Variants in SDK1 observed in about 807,000 individuals in gnomAD.
The protein encoded by SDK1 is sidekick cell adhesion molecule 1, also known as protein sidekick-1.
In SDK1, 157 loss-of-function variants were observed where a neutral mutation model predicts 245.5. The observed-to-expected ratio is 0.64, with a 90% CI of 0.56 to 0.73. The LOEUF (loss-of-function observed/expected upper bound fraction) is 0.73. Among genes scored for constraint, SDK1 ranks in the 30% least tolerant of loss-of-function variants. The pLI is 0.00. For missense variants in SDK1, 3,583 were observed against 3,002.3 expected (o/e 1.19, Z -4.52); for synonymous variants, 1,647 against 1,278.5 (o/e 1.29, Z -6.15).
intron 4 of SDK1, among the ~76,000 whole-genome samples, chr7:3,779,364 G>C (rs911307267): frequency 6.6e-6 from 1 of 151,944 alleles, no homozygotes; most frequent in African/African-American, 2.4e-5. Flanking sequence ...GTAGCTACCA[G>C]AATGACAACG....
At chr7:3,473,225 C>A (rs546686622) in intron 1 of SDK1, among the ~76,000 whole-genome samples, 2 of 152,238 alleles carry the variant, frequency 1.3e-5, no homozygotes, top group Non-Finnish European at 2.9e-5. Context: ...ACCTCAAACC[C>A]AAATTTCCTA....
intron 1 of SDK1, among the ~76,000 whole-genome samples, chr7:3,585,258 T>C (rs1780647589): frequency 6.6e-6 from 1 of 152,154 alleles, no homozygotes; most frequent in African/African-American, 2.4e-5. Context: ...AACTCAGACA[T>C]TGAGCTTTAA....
chr7:3,776,016 C>T (rs145572301), intron 4 of SDK1, among the ~76,000 whole-genome samples: 67 of 152,338 alleles, frequency 4.4e-4, no homozygotes, highest in African/African-American at 1.4e-3. Flanking sequence ...TCACGTGTAA[C>T]GTATTTCCCA....
At chr7:4,089,457 C>T (rs1009697393) in intron 22 of SDK1, among the ~76,000 whole-genome samples, 1 of 152,262 alleles carries the variant, frequency 6.6e-6, no homozygotes, top group African/African-American at 2.4e-5. Context: ...TGTGCTCAGG[C>T]AGCCTGTCCC....
intron 1 of SDK1, among the ~76,000 whole-genome samples, chr7:3,617,909 T>A (rs1781819315): frequency 6.6e-6 from 1 of 152,094 alleles, no homozygotes; most frequent in Admixed American, 6.5e-5. Context: ...TGGCTTGGGT[T>A]TAAATGTGCA....
intron 35 of SDK1, among the ~76,000 whole-genome samples, chr7:4,198,732 A>T (rs1381180834): frequency 6.6e-6 from 1 of 152,058 alleles, no homozygotes; most frequent in Non-Finnish European, 1.5e-5. Flanking sequence ...AGGCAGATCC[A>T]AGTTCATATC....
intron 20 of SDK1, among the ~76,000 whole-genome samples, chr7:4,073,869 G>C (rs7806125): frequency 0.4 from 60,584 of 151,802 alleles, 14,351 homozygotes; most frequent in African/African-American, 0.66. Flanking sequence ...GATCGAGTGT[G>C]TGGTGGGCAG....
rs142804722 is a variant in SDK1, at chr7:3,677,206, A to ATG, written c.713+35114_713+35115dup. 2.4e-4 allele frequency among the ~76,000 whole-genome samples: 37 copies of ATG among 151,568 alleles called. 1 individual carries two copies. The highest frequency in any genetic ancestry group is 8.0e-4 in the African/African-American group (33 of 41,366). Reference sequence around the variant, plus strand: ...TCTGTGTGCGAAGGGGTATGTGTGTATGTGTGTGTGTGTGCATGTAGGTGT... The same window carrying ATG: ...TCTGTGTGCGAAGGGGTATGTGTGTATGTGTGTGTGTGTGTGCATGTAGGTGT... On this transcript the variant is annotated intron_variant, in intron 4 of 44. Transcript: ENST00000404826.
intron 1 of SDK1, among the ~76,000 whole-genome samples, chr7:3,490,453 G>T (rs996868650): frequency 1.3e-5 from 2 of 152,184 alleles, no homozygotes; most frequent in African/African-American, 4.8e-5. Flanking sequence ...TTGAGTGCCT[G>T]TGATATGCCA....
At chr7:3,500,330 T>G (rs1782157273) in intron 1 of SDK1, among the ~76,000 whole-genome samples, 1 of 152,182 alleles carries the variant, frequency 6.6e-6, no homozygotes, top group South Asian at 2.1e-4. Context: ...TCTGGTATCT[T>G]AAAACGTCAT....
intron 1 of SDK1, among the ~76,000 whole-genome samples, chr7:3,510,621 G>A (rs1451365613): frequency 6.6e-6 from 1 of 152,170 alleles, no homozygotes; most frequent in Non-Finnish European, 1.5e-5. Flanking sequence ...ACAGGTTTTA[G>A]TGGCAAGACA....
intron 14 of SDK1, among the ~76,000 whole-genome samples, chr7:4,001,018 C>G (rs1158481262): frequency 1.3e-5 from 2 of 152,180 alleles, no homozygotes; most frequent in African/African-American, 4.8e-5. Flanking sequence ...AGATGGGGGT[C>G]AGAGAGCCCA....
chr7:4,024,040 C>G (rs1177250122), intron 17 of SDK1, among the ~76,000 whole-genome samples: 1 of 152,208 alleles, frequency 6.6e-6, no homozygotes, highest in Non-Finnish European at 1.5e-5. Context: ...TCATTCTGAG[C>G]ACACCAAGAT....
At chr7:3,402,325 T>A (rs1388770122) in intron 1 of SDK1, among the ~76,000 whole-genome samples, 2 of 152,152 alleles carry the variant, frequency 1.3e-5, no homozygotes, top group Non-Finnish European at 2.9e-5. Flanking sequence ...ATGGAGGAGG[T>A]ACTTCAGTAG....
chr7:3,958,060 TAC>T (rs1219229213), intron 7 of SDK1: 2 of 469,404 alleles, frequency 4.3e-6, no homozygotes, highest in Admixed American at 2.4e-5. Context: ...GTTTTAAAGA[TAC>T]AGTCAATATA....
chr7:3,600,767 C>G (rs1335642570), intron 1 of SDK1, among the ~76,000 whole-genome samples: 3 of 151,952 alleles, frequency 2.0e-5, no homozygotes, highest in Non-Finnish European at 4.4e-5. Context: ...CCAGGATGGT[C>G]TCGATCTCCT....
chr7:4,223,082 C>CA (rs79110419), intron 40 of SDK1, among the ~76,000 whole-genome samples: 1,572 of 92,910 alleles, frequency 0.017, 17 homozygotes, highest in African/African-American at 0.042. Context: ...GGCTCCGTCT[C>CA]AAAAAAAAAA....
chr7:3,630,015 A>G (rs987166677), intron 2 of SDK1, among the ~76,000 whole-genome samples: 2 of 152,268 alleles, frequency 1.3e-5, no homozygotes, highest in Non-Finnish European at 2.9e-5. Flanking sequence ...GGATGGGACC[A>G]TCAGGAAACT....
chr7:3,730,020 G>T (rs1330437727), intron 4 of SDK1, among the ~76,000 whole-genome samples: 1 of 152,010 alleles, frequency 6.6e-6, no homozygotes, highest in Admixed American at 6.6e-5. Flanking sequence ...GTGTGTGAGA[G>T]ACCCATTATT....
Sources: gnomAD v4.1 joint callset for allele counts (sites outside exome capture counted in the v4.1 genomes callset) on GRCh38, gnomAD v4.1.1 for gene constraint, MANE v1.5 for transcripts, NCBI Gene and HGNC (gene_info 2026-07-23, HGNC 2026-07-21) for gene names.